Variants in EARS2 observed in about 807,000 individuals in gnomAD.
EARS2 encodes the protein glutamyl-tRNA synthetase 2, mitochondrial, also known as nondiscriminating glutamyl-tRNA synthetase EARS2, mitochondrial.
A neutral mutation model predicts 54.1 loss-of-function variants in EARS2; 50 were observed. That is an observed-to-expected ratio of 0.92 (90% confidence interval 0.74 to 1.17). The LOEUF (loss-of-function observed/expected upper bound fraction) is 1.17. Among genes scored for constraint, EARS2 ranks in the 50% most tolerant of loss-of-function variants. EARS2 has a pLI of 0.00. For synonymous variants in EARS2, 298 were observed against 281.0 expected (o/e 1.06, Z -0.61); for missense variants, 673 against 675.0 (o/e 1.00, Z 0.03).
In EARS2 at chr16:23,525,261, C is replaced by T. The variant is rs1436031775; in HGVS notation, c.1471G>A (p.Ala491Thr). 1 of 1,614,152 alleles carries T rather than the reference C, an allele frequency of 6.2e-7. No individual in the cohort carries two copies. Among genetic ancestry groups the T allele is most frequent in the Admixed American group, 1.7e-5 (1 of 60,006 alleles). Reference protein sequence around the residue: ...YSNVMKLLRMALSGQQQGPPV... With the variant: ...YSNVMKLLRMTLSGQQQGPPV... ...TGCCTCACCTGCTGTCCACTGAGGG[C>T]CATCCGAAGGAGTTTCATCACATTA... Residue 491 changes from alanine (A) to threonine (T), a missense_variant, in exon 8 of 9, where the codon GCC becomes ACC. Around this residue, in one of 3 missense-constraint regions of EARS2, gnomAD observed 338 missense variants for 361.2 expected, o/e 0.94. Transcript: ENST00000449606.
At chr16:23,545,899 TAC>T (rs898677884) in intron 2 of EARS2, among the ~76,000 whole-genome samples, 6 of 152,126 alleles carry the variant, frequency 3.9e-5, no homozygotes, top group African/African-American at 1.4e-4. Flanking sequence ...CATAGCTCAC[TAC>T]AGTCTCCAAT....
intron 3 of EARS2, among the ~76,000 whole-genome samples, chr16:23,543,637 G>A (rs976880964): frequency 6.6e-6 from 1 of 150,858 alleles, no homozygotes; most frequent in Non-Finnish European, 1.5e-5. Context: ...GGAGGCTGAG[G>A]CAGGATAACT....
At chr16:23,527,053 C>T (rs545553503) in intron 7 of EARS2, among the ~76,000 whole-genome samples, 59 of 152,248 alleles carry the variant, frequency 3.9e-4, no homozygotes, top group African/African-American at 1.4e-3. Flanking sequence ...GCCTCAAACT[C>T]CTGGGCTCAA....
At chr16:23,538,010 TG>T (rs1965451866) in intron 3 of EARS2, among the ~76,000 whole-genome samples, 1 of 151,880 alleles carries the variant, frequency 6.6e-6, no homozygotes, top group African/African-American at 2.4e-5. Context: ...TTGCGAAGGC[TG>T]GGCTCTAGCA....
chr16:23,535,207 C>T lies in EARS2; in HGVS notation c.639G>A (p.Val213=), dbSNP rs769002778. ...YGWNRHEVAS[V]EGDPVIMKSD... ...TCTTCATGATGACTGGGTCTCCCTC[C>T]ACGCTGGCCACTTCATGCCTATTCC... The change falls in exon 4 of 9, where the codon GTG becomes GTA. Residue 213 remains valine (V), a synonymous_variant. Coordinates refer to ENST00000449606, the MANE Select transcript of EARS2 (RefSeq NM_001083614.2). 1.9e-6 allele frequency: 3 copies of T among 1,613,716 alleles called. No homozygotes were observed. Among genetic ancestry groups the T allele is most frequent in the South Asian group, 2.2e-5 (2 of 91,058 alleles).
intron 1 of EARS2, among the ~76,000 whole-genome samples, chr16:23,554,750 G>C (rs1965749359): frequency 6.6e-6 from 1 of 152,180 alleles, no homozygotes; most frequent in Admixed American, 6.5e-5. Context: ...AGTACACCTG[G>C]ATTCAAATTC....
intron 3 of EARS2, among the ~76,000 whole-genome samples, chr16:23,541,399 T>G (rs1271787286): frequency 6.6e-6 from 1 of 152,156 alleles, no homozygotes; most frequent in Admixed American, 6.6e-5. Flanking sequence ...CGAAACTGAT[T>G]AAGTAAATGA....
In EARS2 at chr16:23,525,247, C is replaced by CT. The variant is rs1157271540; in HGVS notation, c.1484dup (p.Gln496AlafsTer8). On this transcript the variant is annotated frameshift_variant, in exon 8 of 9. Transcript: ENST00000449606. LOFTEE classifies it high-confidence loss of function. Reference sequence around the variant, plus strand: ...CCAACCCGTGTCCCTGCCTCACCTGCTGTCCACTGAGGGCCATCCGAAGGA... The same window carrying CT: ...CCAACCCGTGTCCCTGCCTCACCTGCTTGTCCACTGAGGGCCATCCGAAGGA... 6.2e-7 allele frequency: 1 copy of CT among 1,614,194 alleles called. No individual in the cohort carries two copies. Among genetic ancestry groups the CT allele is most frequent in the East Asian group, 2.2e-5 (1 of 44,882 alleles).
chr16:23,555,283 C>T (rs556439235), intron 1 of EARS2, among the ~76,000 whole-genome samples: 15 of 152,234 alleles, frequency 9.9e-5, no homozygotes, highest in South Asian at 4.1e-4. Context: ...CTCAGGAGTT[C>T]AAGATCCGCC....
rs147307911 is a variant in EARS2, at chr16:23,546,267, G to A, written c.296-1564C>T. The A allele has an allele frequency of 8.3e-4, 329 of 398,490 alleles. 1 individual carries two copies. Among genetic ancestry groups the A allele is most frequent in the African/African-American group, 6.3e-3 (306 of 48,290 alleles). 24.7% of individuals were successfully genotyped at this position (398,490 alleles called of 1,614,324 possible). On this transcript the variant is annotated intron_variant, in intron 2 of 8. Transcript: ENST00000449606. ...CACAGGGACACAAGAACTGGAAGAT[G>A]GTGTTTCTGCCCTCAAAGAGCTTTC...
chr16:23,553,029 A>G, intron 1 of EARS2: 1 of 389,296 alleles, frequency 2.6e-6, no homozygotes, highest in Non-Finnish European at 5.2e-6. Context: ...TCAGTTACTG[A>G]GGTGGGAGGA....
chr16:23,532,419 A>G (rs1597011399), intron 5 of EARS2: 1 of 368,608 alleles, frequency 2.7e-6, no homozygotes, highest in East Asian at 4.3e-5. Flanking sequence ...TGCCAGGGCT[A>G]TACAAGATAT....
intron 7 of EARS2, among the ~76,000 whole-genome samples, chr16:23,529,019 T>C (rs1965276781): frequency 6.6e-6 from 1 of 152,058 alleles, no homozygotes; most frequent in Non-Finnish European, 1.5e-5. Context: ...GGTAATGGAG[T>C]ACCGACTCCT....
At chr16:23,540,135 C>G (rs975034227) in intron 3 of EARS2, among the ~76,000 whole-genome samples, 1 of 152,104 alleles carries the variant, frequency 6.6e-6, no homozygotes, top group Non-Finnish European at 1.5e-5. Flanking sequence ...ATCTGGGTGA[C>G]AGAGTGAGAC....
intron 3 of EARS2, among the ~76,000 whole-genome samples, chr16:23,538,555 T>TG (rs1965462110): frequency 6.6e-6 from 1 of 152,200 alleles, no homozygotes; most frequent in Admixed American, 6.5e-5. Flanking sequence ...GTTTTAAATG[T>TG]GCATTATTGA....
At chr16:23,532,860 G>C in intron 4 of EARS2, 95 bp from the exon 5 acceptor site, 1 of 848,584 alleles carries the variant, frequency 1.2e-6, no homozygotes, top group South Asian at 1.7e-5. Context: ...TTGCTCTGCT[G>C]CCCAGGTTGG....
intron 5 of EARS2, among the ~76,000 whole-genome samples, chr16:23,531,126 G>A (rs1339956055): frequency 6.7e-6 from 1 of 149,280 alleles, no homozygotes; most frequent in Non-Finnish European, 1.5e-5. Flanking sequence ...CTCGACTCCT[G>A]ACTCAGGAGA....
chr16:23,555,893 G>A (rs576674293), intron 1 of EARS2, among the ~76,000 whole-genome samples: 4 of 152,144 alleles, frequency 2.6e-5, no homozygotes, highest in Non-Finnish European at 4.4e-5. Context: ...TTGGCCAGGC[G>A]AAACTTACAT....
Sources: allele counts gnomAD v4.1 joint callset (sites outside exome capture counted in the v4.1 genomes callset), GRCh38; gene constraint gnomAD v4.1.1; regional missense constraint gnomAD v4.1.1; transcripts MANE v1.5; gene names NCBI Gene and HGNC (gene_info 2026-07-23, HGNC 2026-07-21).